The following PCIF1 variants were observed in gnomAD, a reference collection of about 807,000 sequenced individuals.
The protein encoded by PCIF1 is mRNA (2'-O-methyladenosine-N(6)-)-methyltransferase.
In PCIF1, 12 loss-of-function variants were observed where a neutral mutation model predicts 86.9. That is an observed-to-expected ratio of 0.14 (90% confidence interval 0.09 to 0.22). The LOEUF (loss-of-function observed/expected upper bound fraction) is 0.22. Ranked by LOEUF, PCIF1 falls within the 10% of genes least tolerant of loss-of-function variation. The pLI is 1.00. For missense variants in PCIF1, 701 were observed against 951.1 expected (o/e 0.74, Z 3.46); for synonymous variants, 397 against 372.0 (o/e 1.07, Z -0.77).
Position 45,941,116 on chromosome 20 carries a change from G to T in PCIF1, c.582G>T (p.Val194=). Residue 194 remains valine (V), a synonymous_variant, in exon 7 of 17, where the codon GTG becomes GTT. Coordinates refer to ENST00000372409, the MANE Select transcript of PCIF1 (RefSeq NM_022104.4). ...TCAAGCACCGGGGGCCTTCAGAGGT[G>T]CTGCCCCCGCATCCCGAAGTGGAAC... is the stretch of plus-strand genomic sequence containing the variant. ...AVIKHRGPSE[V]LPPHPEVELL... 1.9e-6 allele frequency: 3 copies of T among 1,614,234 alleles called. No homozygotes were observed. Among genetic ancestry groups the T allele is most frequent in the Non-Finnish European group, 8.5e-7 (1 of 1,180,038 alleles).
rs1002779631 is a variant in PCIF1 at position 45,934,695 on chromosome 20, C to T, written c.-297C>T. 1.0e-5 allele frequency: 4 copies of T among 398,592 alleles called. No homozygotes were observed. The highest frequency in any genetic ancestry group is 6.2e-5 in the African/African-American group (3 of 48,586). 24.7% of individuals were successfully genotyped at this position (398,592 alleles called of 1,614,324 possible). On this transcript the variant is annotated 5_prime_UTR_variant, in exon 1 of 17. Transcript: ENST00000372409. ...GCGCATGCGCAGCGCGGAGTCCCGGCCCGGGACACAAGATGGCGGCAGCGG... is the reference window on the plus strand; with the variant it reads ...GCGCATGCGCAGCGCGGAGTCCCGGTCCGGGACACAAGATGGCGGCAGCGG...
At chr20:45,942,149 T>C (rs1487720787) in intron 7 of PCIF1, among the ~76,000 whole-genome samples, 1 of 148,658 alleles carries the variant, frequency 6.7e-6, no homozygotes, top group Non-Finnish European at 1.5e-5. Context: ...CTAATTTTTA[T>C]ACTTTTAATA....
rs747750017 is a variant in PCIF1, at chr20:45,943,661, G to T, written c.906-5G>T. 128 of 1,557,198 alleles carry T rather than the reference G, an allele frequency of 8.2e-5. No individual in the cohort carries two copies. The highest frequency in any genetic ancestry group is 1.1e-4 in the Non-Finnish European group (126 of 1,149,848). On this transcript the variant is annotated splice_polypyrimidine_tract_variant and splice_region_variant and intron_variant, in intron 9 of 16. Transcript: ENST00000372409. This position sits in a 1 kb window ranked among gnomAD's most constrained non-coding sequence, Gnocchi z 5.5. ...CCTTTCTTCTGCCCTCCCCTTGACT[G>T]GCAGGAGTGCATCCCCTGACAGTAG...
At chr20:45,941,609 C>T (rs1443601609) in intron 7 of PCIF1, among the ~76,000 whole-genome samples, 3 of 152,086 alleles carry the variant, frequency 2.0e-5, no homozygotes, top group Non-Finnish European at 4.4e-5. Context: ...CAGGTGTACA[C>T]CACCATGCCC....
intron 4 of PCIF1, 83 bp downstream of exon 4, chr20:45,939,422 C>A: frequency 6.3e-7 from 1 of 1,579,358 alleles, no homozygotes; most frequent in South Asian, 1.1e-5. Flanking sequence ...AGCAGCCGTT[C>A]AGTGCCCAGC....
In PCIF1 at chr20:45,947,409, C is replaced by T; in HGVS notation, c.1854C>T (p.Tyr618=). Reference sequence around the variant, plus strand: ...TCCTGCCTGCCTTTGAGCATGAGTACCGCAGTGGCTCCCAGCACATCTGCA... The same window carrying T: ...TCCTGCCTGCCTTTGAGCATGAGTATCGCAGTGGCTCCCAGCACATCTGCA... ...QLILPAFEHE[Y]RSGSQHICKK... is the part of the protein sequence containing the mutation. The change falls in exon 16 of 17, where the codon TAC becomes TAT. Residue 618 remains tyrosine (Y), a synonymous_variant. Coordinates refer to ENST00000372409, the MANE Select transcript of PCIF1 (RefSeq NM_022104.4). This position sits in a 1 kb window ranked among gnomAD's most constrained non-coding sequence, Gnocchi z 5.4. 6.2e-7 allele frequency: 1 copy of T among 1,613,996 alleles called. No homozygotes were observed. The highest frequency in any genetic ancestry group is 8.5e-7 in the Non-Finnish European group (1 of 1,180,026).
Position 45,946,135 on chromosome 20 carries a change from G to A in PCIF1, c.1428+20G>A, listed in dbSNP as rs1462874953. ...TACCAGGTACAGGCCTGGGGCAGCA[G>A]GGAGGGCTCCCCAGGAGGGAACAGG... On this transcript the variant is annotated intron_variant, in intron 13 of 16. Coordinates refer to ENST00000372409, the MANE Select transcript of PCIF1 (RefSeq NM_022104.4). 1.2e-6 allele frequency: 2 copies of A among 1,614,060 alleles called. No homozygotes were observed. Among genetic ancestry groups the A allele is most frequent in the Non-Finnish European group, 1.7e-6 (2 of 1,180,016 alleles).
intron 14 of PCIF1, among the ~76,000 whole-genome samples, chr20:45,946,796 G>A (rs2083531271): frequency 6.6e-6 from 1 of 152,208 alleles, no homozygotes. Flanking sequence ...CAGCAGCTGG[G>A]GATCCTGGGT....
Position 45,947,343 on chromosome 20 carries a change from C to A in PCIF1, c.1788C>A (p.Leu596=), listed in dbSNP as rs774534935. 3.7e-6 allele frequency: 6 copies of A among 1,614,020 alleles called. No homozygotes were observed. The Middle Eastern group carries it at 9.9e-4, about 266-fold the overall frequency. ...GGCGGGAACCCCCAACACCAGCGCT[C>A]ACCCGCATGGAGCAGAGCCGCTTCA... The part of the protein sequence containing the change: ...PEWREPPTPA[L]TRMEQSRFKR... Residue 596 remains leucine (L), a synonymous_variant, in exon 16 of 17, where the codon CTC becomes CTA. Coordinates refer to ENST00000372409, the MANE Select transcript of PCIF1 (RefSeq NM_022104.4). The surrounding 1 kb of genome is among the most constrained non-coding windows in gnomAD (Gnocchi z 5.4).
chr20:45,942,318 TTTTTTC>T (rs1371119820), intron 7 of PCIF1, among the ~76,000 whole-genome samples: 1 of 148,544 alleles, frequency 6.7e-6, no homozygotes, highest in Non-Finnish European at 1.5e-5. Context: ...ACTTTTTTTT[TTTTTTC>T]TTTTTCTAAG....
chr20:45,942,235 A>G (rs1424359344), intron 7 of PCIF1, among the ~76,000 whole-genome samples: 1 of 148,970 alleles, frequency 6.7e-6, no homozygotes, highest in Non-Finnish European at 1.5e-5. Context: ...TGGCCTCCCA[A>G]AGTGCTGGGA....
chr20:45,943,593 C>A lies in PCIF1; in HGVS notation c.906-73C>A. On this transcript the variant is annotated intron_variant, in intron 9 of 16. Transcript: ENST00000372409. The surrounding 1 kb of genome is among the most constrained non-coding windows in gnomAD (Gnocchi z 5.5). ...ATGGAAGCTAGGGGTTGATACCCAG[C>A]GAGCCCATGGAATTGGGATGAGGAG... The A allele has an allele frequency of 7.0e-7, 1 of 1,433,164 alleles. No homozygotes were observed. The highest frequency in any genetic ancestry group is 9.6e-7 in the Non-Finnish European group (1 of 1,042,674). The allele number at this position is 1,433,164 out of a possible 1,614,324, so 88.8% of individuals were successfully genotyped here.
intron 10 of PCIF1, among the ~76,000 whole-genome samples, 195 bp from the exon 11 acceptor site, chr20:45,944,673 A>G (rs1459034036): frequency 6.6e-6 from 1 of 152,266 alleles, no homozygotes. Flanking sequence ...CCTGTTAGGT[A>G]TCTCGTGTCC....
At chr20:45,938,503 T>G (rs1190757479) in intron 2 of PCIF1, among the ~76,000 whole-genome samples, 2 of 152,198 alleles carry the variant, frequency 1.3e-5, no homozygotes, top group African/African-American at 2.4e-5. Context: ...ATTTGCAGAA[T>G]CAGTAGTGCT....
At position 45,944,906 on chromosome 20, in the gene PCIF1, C is replaced by T. The variant is rs750446924; in HGVS notation, c.1044C>T (p.His348=). The change falls in exon 11 of 17, where the codon CAC becomes CAT. Residue 348 remains histidine, a synonymous_variant. Coordinates refer to ENST00000372409, the MANE Select transcript of PCIF1 (RefSeq NM_022104.4). ...ATCTGCGGAGGCAGTGTGGCCCCCA[C>T]GTCTCGGCCGCAGCCAAGGACTCCG... ...LEHLRRQCGP[H]VSAAAKDSVE... The T allele has an allele frequency of 1.7e-5, 28 of 1,613,972 alleles. No homozygotes were observed. Among genetic ancestry groups the T allele is most frequent in the African/African-American group, 1.2e-4 (9 of 74,948 alleles).
At position 45,941,122 on chromosome 20, in the gene PCIF1, C is replaced by T; in HGVS notation, c.588C>T (p.Pro196=). 1.2e-6 allele frequency: 2 copies of T among 1,614,222 alleles called. No individual in the cohort carries two copies. Among genetic ancestry groups the T allele is most frequent in the Non-Finnish European group, 1.7e-6 (2 of 1,180,038 alleles). ...IKHRGPSEVL[P]PHPEVELLRS... is the part of the protein sequence containing the mutation. ...ACCGGGGGCCTTCAGAGGTGCTGCC[C>T]CCGCATCCCGAAGTGGAACTGCTCC... The change falls in exon 7 of 17, where the codon CCC becomes CCT. Residue 196 remains proline, a synonymous_variant. Transcript: ENST00000372409.
Position 45,943,248 on chromosome 20 carries a change from C to T in PCIF1, c.821+4C>T, listed in dbSNP as rs758265911. Reference sequence around the variant, plus strand: ...TCATGAACGACATTCCTATCAGGTACAGCTCCACAGCTGGGGATGACCCTG... The same window carrying T: ...TCATGAACGACATTCCTATCAGGTATAGCTCCACAGCTGGGGATGACCCTG... On this transcript the variant is annotated splice_donor_region_variant and intron_variant, in intron 8 of 16. Coordinates refer to ENST00000372409, the MANE Select transcript of PCIF1 (RefSeq NM_022104.4). The surrounding 1 kb of genome is among the most constrained non-coding windows in gnomAD (Gnocchi z 5.5). 2.7e-5 allele frequency: 44 copies of T among 1,614,086 alleles called. No homozygotes were observed. Among genetic ancestry groups the T allele is most frequent in the Admixed American group, 1.7e-4 (10 of 60,010 alleles).
chr20:45,939,186 C>T (rs1600501987), intron 3 of PCIF1, 29 bp from the exon 4 acceptor site: 5 of 1,614,006 alleles, frequency 3.1e-6, no homozygotes, highest in East Asian at 2.2e-5. Flanking sequence ...GCAGTCCTGA[C>T]CCTGGCTGGG....
intron 10 of PCIF1, among the ~76,000 whole-genome samples, chr20:45,944,552 A>G (rs1174393866): frequency 6.6e-6 from 1 of 152,232 alleles, no homozygotes; most frequent in African/African-American, 2.4e-5. Flanking sequence ...TTATCATGGG[A>G]TCTAGCAGTG....
Sources: gnomAD v4.1 joint callset for allele counts (sites outside exome capture counted in the v4.1 genomes callset) on GRCh38, gnomAD v4.1.1 for gene constraint, Gnocchi (gnomAD v3.1) non-coding constraint, MANE v1.5 for transcripts, NCBI Gene and HGNC (gene_info 2026-07-23, HGNC 2026-07-21) for gene names.